The following LYPLAL1 variants were observed in gnomAD, a reference collection of about 807,000 sequenced individuals.
LYPLAL1 encodes the protein lysophospholipase-like protein 1.
A neutral mutation model predicts 19.7 loss-of-function variants in LYPLAL1; 23 were observed. The ratio of observed to expected loss-of-function variants is 1.17; its 90% CI spans 0.84 to 1.65. LYPLAL1 has a LOEUF of 1.65. Ranked by LOEUF, LYPLAL1 falls within the 40% of genes most tolerant of loss-of-function variation. The probability of loss-of-function intolerance (pLI) is 0.00; values close to 1 mark genes in which losing one functional copy is unlikely to be tolerated. For synonymous variants in LYPLAL1, 119 were observed against 96.3 expected, an observed-to-expected ratio of 1.24 and a Z score of -1.38; for missense variants, 355 against 279.4, an observed-to-expected ratio of 1.27 and a Z score of -1.93.
the LYPLAL1 span, among the ~76,000 whole-genome samples, chr1:219,378,354 G>A: frequency 1.3e-5 from 2 of 152,028 alleles, no homozygotes; most frequent in Non-Finnish European, 2.9e-5. Flanking sequence ...GAGCAAAAGG[G>A]GAAAAGCCCC....
intron 3 of LYPLAL1, among the ~76,000 whole-genome samples, chr1:219,204,725 G>A (rs558667655): frequency 6.6e-6 from 1 of 152,310 alleles, no homozygotes; most frequent in African/African-American, 2.4e-5. Flanking sequence ...TTTCAGAGGT[G>A]AAGAAACTAA....
chr1:219,399,889 C>T, the LYPLAL1 span, among the ~76,000 whole-genome samples: 1 of 152,164 alleles, frequency 6.6e-6, no homozygotes, highest in Non-Finnish European at 1.5e-5. Flanking sequence ...CCTAGCCATG[C>T]TCTGCTACAG....
chr1:219,307,791 T>C, the LYPLAL1 span, among the ~76,000 whole-genome samples: 2 of 152,192 alleles, frequency 1.3e-5, no homozygotes, highest in East Asian at 3.9e-4. Flanking sequence ...GATCTGATGG[T>C]TTTATCAGCG....
At chr1:219,287,632 A>C in the LYPLAL1 span, among the ~76,000 whole-genome samples, 4 of 152,338 alleles carry the variant, frequency 2.6e-5, no homozygotes, top group East Asian at 7.7e-4. Flanking sequence ...CTCATTCGTC[A>C]CTGGGAAGGC....
At chr1:219,400,518 C>T in the LYPLAL1 span, among the ~76,000 whole-genome samples, 1 of 147,766 alleles carries the variant, frequency 6.8e-6, no homozygotes, top group East Asian at 2.0e-4. Flanking sequence ...TTTTTTGAGA[C>T]AGAGTCTTGC....
chr1:219,307,245 A>T, the LYPLAL1 span, among the ~76,000 whole-genome samples: 3 of 152,050 alleles, frequency 2.0e-5, no homozygotes, highest in Non-Finnish European at 2.9e-5. Flanking sequence ...CTTGCTTGTG[A>T]CTGAGTCTTC....
chr1:219,374,365 C>A, the LYPLAL1 span, among the ~76,000 whole-genome samples: 1 of 152,012 alleles, frequency 6.6e-6, no homozygotes, highest in Non-Finnish European at 1.5e-5. Context: ...CCCATCCTGG[C>A]AGCCCACAGA....
At chr1:219,324,168 G>T in the LYPLAL1 span, among the ~76,000 whole-genome samples, 1 of 152,180 alleles carries the variant, frequency 6.6e-6, no homozygotes, top group African/African-American at 2.4e-5. Flanking sequence ...TACTAGGAAA[G>T]AATTATCCTG....
the LYPLAL1 span, among the ~76,000 whole-genome samples, chr1:219,315,958 G>A: frequency 2.0e-5 from 3 of 151,942 alleles, no homozygotes; most frequent in Non-Finnish European, 2.9e-5. Flanking sequence ...ATAATTAAAT[G>A]GAAAAAAAAT....
At chr1:219,174,161 G>GTTAGTCTTCCTC in intron 1 of LYPLAL1, 180 bp downstream of exon 1, 1 of 1,434,506 alleles carries the variant, frequency 7.0e-7, no homozygotes, top group Non-Finnish European at 9.1e-7. Flanking sequence ...AGCCTCCCCC[G>GTTAGTCTTCCTC]TTAGTCTTCC....
intron 2 of LYPLAL1, among the ~76,000 whole-genome samples, chr1:219,191,405 G>T (rs969254511): frequency 6.6e-6 from 1 of 151,516 alleles, no homozygotes; most frequent in African/African-American, 2.4e-5. Flanking sequence ...CTTATCATAG[G>T]ATATAATATA....
chr1:219,179,479 A>G, intron 2 of LYPLAL1: 1 of 419,028 alleles, frequency 2.4e-6, no homozygotes, highest in Non-Finnish European at 4.2e-6. Context: ...CTGAATTTAA[A>G]CTGTGTCCCA....
At chr1:219,352,051 A>G in the LYPLAL1 span, among the ~76,000 whole-genome samples, 1 of 152,198 alleles carries the variant, frequency 6.6e-6, no homozygotes, top group Non-Finnish European at 1.5e-5. Flanking sequence ...TGATATAACT[A>G]TGGCTTCTAA....
At chr1:219,229,989 T>G in the LYPLAL1 span, among the ~76,000 whole-genome samples, 1 of 152,200 alleles carries the variant, frequency 6.6e-6, no homozygotes, top group Non-Finnish European at 1.5e-5. Flanking sequence ...TTATTAAGGT[T>G]ACCACACAAA....
At chr1:219,229,704 C>T in the LYPLAL1 span, among the ~76,000 whole-genome samples, 1 of 152,170 alleles carries the variant, frequency 6.6e-6, no homozygotes, top group Middle Eastern at 3.2e-3. Context: ...GCTGTGGGGT[C>T]GGAGCCCCAT....
the LYPLAL1 span, among the ~76,000 whole-genome samples, chr1:219,431,798 C>A: frequency 6.6e-6 from 1 of 152,218 alleles, no homozygotes; most frequent in Admixed American, 6.5e-5. Flanking sequence ...AATGAGACAA[C>A]ATCATATAGT....
At chr1:219,429,311 G>A in the LYPLAL1 span, among the ~76,000 whole-genome samples, 1 of 152,190 alleles carries the variant, frequency 6.6e-6, no homozygotes, top group Admixed American at 6.5e-5. Flanking sequence ...CATCAAGACT[G>A]CATATACCTC....
the LYPLAL1 span, among the ~76,000 whole-genome samples, chr1:219,417,882 T>C: frequency 6.6e-6 from 1 of 152,282 alleles, no homozygotes; most frequent in Admixed American, 6.5e-5. Flanking sequence ...CAGTGCTTAA[T>C]GGACCAAGGT....
chr1:219,306,934 G>A, the LYPLAL1 span, among the ~76,000 whole-genome samples: 12 of 150,168 alleles, frequency 8.0e-5, no homozygotes, highest in Non-Finnish European at 1.6e-4. Flanking sequence ...CCTTATTGAT[G>A]CAGAGGCCAA....
Sources: allele counts gnomAD v4.1 joint callset (sites outside exome capture counted in the v4.1 genomes callset), GRCh38; gene constraint gnomAD v4.1.1; transcripts MANE v1.5; gene names NCBI Gene and HGNC (gene_info 2026-07-23, HGNC 2026-07-21).